Variants in HIRA observed in about 807,000 individuals in gnomAD.
HIRA encodes the protein histone cell cycle regulator.
HIRA carries 13 observed loss-of-function variants against 126.6 expected under a neutral mutation model. The observed-to-expected ratio is 0.10, with a 90% CI of 0.07 to 0.16. The LOEUF (loss-of-function observed/expected upper bound fraction) is 0.16. Ranked by LOEUF, HIRA falls within the 10% of genes least tolerant of loss-of-function variation. The pLI, the probability that HIRA is intolerant of heterozygous loss-of-function variation, is 1.00. For synonymous variants in HIRA, 511 were observed against 520.0 expected (o/e 0.98, Z 0.24); for missense variants, 834 against 1,314.4 (o/e 0.63, Z 5.65).
At chr22:19,397,191 T>A (rs2089230993) in intron 6 of HIRA, among the ~76,000 whole-genome samples, 1 of 152,304 alleles carries the variant, frequency 6.6e-6, no homozygotes, top group Middle Eastern at 3.4e-3. Flanking sequence ...CTTATCTGTA[T>A]CTAGCGGCCC....
At chr22:19,368,727 T>C (rs912230307) in intron 15 of HIRA, among the ~76,000 whole-genome samples, 1 of 152,192 alleles carries the variant, frequency 6.6e-6, no homozygotes, top group African/African-American at 2.4e-5. Context: ...AACTATCGTT[T>C]TGTAAAATAC....
intron 24 of HIRA, among the ~76,000 whole-genome samples, chr22:19,335,691 C>CG (rs782164161): frequency 2.1e-3 from 141 of 66,588 alleles, no homozygotes; most frequent in Non-Finnish European, 5.8e-3. Flanking sequence ...TATTGAATAG[C>CG]CCCCCCTATT....
At chr22:19,362,234 G>GA (rs1259069848) in intron 15 of HIRA, among the ~76,000 whole-genome samples, 13 of 151,732 alleles carry the variant, frequency 8.6e-5, no homozygotes, top group Admixed American at 5.2e-4. Context: ...TGATGTTAGA[G>GA]AAAAAAAACA....
Position 19,408,966 on chromosome 22 carries a change from TGAG to T in HIRA, c.101-376_101-374del, listed in dbSNP as rs371756839. Reference sequence around the variant, plus strand: ...ACTCCTTGACTCCTCATCTGTGAAATGAGGAGAAGGGAAAGTCAATGTCATAAG... The same window carrying T: ...ACTCCTTGACTCCTCATCTGTGAAATGAGAAGGGAAAGTCAATGTCATAAG... On this transcript the variant is annotated intron_variant, in intron 2 of 24. Coordinates refer to ENST00000263208, the MANE Select transcript of HIRA (RefSeq NM_003325.4). 5.5e-3 allele frequency among the ~76,000 whole-genome samples: 843 copies of T among 152,278 alleles called. 9 individuals are homozygous for T. The highest frequency in any genetic ancestry group is 0.018 in the African/African-American group (760 of 41,550).
intron 18 of HIRA, among the ~76,000 whole-genome samples, chr22:19,358,856 C>G (rs537056528): frequency 6.6e-6 from 1 of 152,130 alleles, no homozygotes; most frequent in Non-Finnish European, 1.5e-5. Flanking sequence ...GGGGAAGATA[C>G]TGGGTGACTA....
chr22:19,356,929 T>C lies in HIRA; in HGVS notation c.2357A>G (p.Tyr786Cys). 1 of 1,613,804 alleles carries C rather than the reference T, an allele frequency of 6.2e-7. No homozygotes were observed. The highest frequency in any genetic ancestry group is 8.5e-7 in the Non-Finnish European group (1 of 1,179,976). The change falls in exon 19 of 25, where the codon TAC becomes TGC. Residue 786 changes from tyrosine (Y) to cysteine (C), a missense_variant. Around this residue, in one of 5 missense-constraint regions of HIRA, gnomAD observed 468 missense variants for 574.2 expected, o/e 0.82. Transcript: ENST00000263208. ...GGCTGCAGCGGTGAGCGCCATGACGTAGGAGCCTGTGCAATGCAAAGTAGA... is the reference window on the plus strand; with the variant it reads ...GGCTGCAGCGGTGAGCGCCATGACGCAGGAGCCTGTGCAATGCAAAGTAGA... The part of the protein sequence containing the change: ...PISTLHCTGS[Y>C]VMALTAAATL...
At chr22:19,333,122 G>T (rs748778152) in intron 24 of HIRA, among the ~76,000 whole-genome samples, 1 of 152,092 alleles carries the variant, frequency 6.6e-6, no homozygotes, top group Non-Finnish European at 1.5e-5. Flanking sequence ...TGGCCAGGCT[G>T]ATCTCAAACT....
chr22:19,371,055 C>G (rs761089761), intron 15 of HIRA, among the ~76,000 whole-genome samples: 18 of 152,188 alleles, frequency 1.2e-4, no homozygotes, highest in Non-Finnish European at 1.5e-5. Context: ...CACAGAAAGC[C>G]ACAAAGCAAA....
Position 19,331,031 on chromosome 22 carries a change from C to T in HIRA, c.*409G>A. On this transcript the variant is annotated 3_prime_UTR_variant, in exon 25 of 25. Coordinates refer to ENST00000263208, the MANE Select transcript of HIRA (RefSeq NM_003325.4). ...TTTACATAGGTCTTAGGTCAGTCTG[C>T]TGTAATACCTAACGCTTCCGGATTC... The T allele has an allele frequency of 4.2e-6, 3 of 711,034 alleles. No individual in the cohort carries two copies. The highest frequency in any genetic ancestry group is 5.9e-6 in the Non-Finnish European group (3 of 505,442). The allele number at this position is 711,034 out of a possible 1,614,324, so 44.0% of individuals were successfully genotyped here.
intron 3 of HIRA, 111 bp from the exon 4 acceptor site, chr22:19,407,385 T>G: frequency 1.2e-6 from 1 of 821,534 alleles, no homozygotes; most frequent in Non-Finnish European, 2.0e-6. Context: ...ATCTAATCTA[T>G]TTAAGGCATC....
intron 1 of HIRA, chr22:19,430,263 T>G (rs1256218293): frequency 1.3e-5 from 2 of 151,944 alleles, no homozygotes; most frequent in Non-Finnish European, 2.9e-5. Flanking sequence ...TCTACCGGGG[T>G]AACTCAGGAT....
chr22:19,367,083 TATC>T (rs1281811726), intron 15 of HIRA, among the ~76,000 whole-genome samples: 2 of 152,160 alleles, frequency 1.3e-5, no homozygotes, highest in South Asian at 2.1e-4. Flanking sequence ...TACATTGAAA[TATC>T]ATGCCATCGA....
At chr22:19,366,196 A>G (rs1302755100) in intron 15 of HIRA, among the ~76,000 whole-genome samples, 2 of 151,940 alleles carry the variant, frequency 1.3e-5, no homozygotes, top group African/African-American at 4.8e-5. Context: ...CCCCGTCTCT[A>G]CTAAAAATAC....
intron 23 of HIRA, among the ~76,000 whole-genome samples, chr22:19,352,900 G>A (rs1271081428): frequency 6.6e-6 from 1 of 152,248 alleles, no homozygotes; most frequent in Admixed American, 6.5e-5. Flanking sequence ...AGCAGAGTGA[G>A]AGCTCTGGCG....
At position 19,398,020 on chromosome 22, in the gene HIRA, G is replaced by A. The variant is rs920870098; in HGVS notation, c.465C>T (p.Val155=). 21 of 1,613,814 alleles carry A rather than the reference G, an allele frequency of 1.3e-5. No homozygotes were observed. In the East Asian group the frequency reaches 2.0e-4, roughly 15 times the overall value. Residue 155 remains valine (V), a synonymous_variant, in exon 6 of 25, where the codon GTC becomes GTT. Coordinates refer to ENST00000263208, the MANE Select transcript of HIRA (RefSeq NM_003325.4). Reference sequence around the variant, plus strand: ...GGAACTTTACAGCATTCCAGATGACGACAGTGTTATCCACGCTGCATGAGG... The same window carrying A: ...GGAACTTTACAGCATTCCAGATGACAACAGTGTTATCCACGCTGCATGAGG... The part of the protein sequence containing the change: ...WLASCSVDNT[V]VIWNAVKFPE...
At chr22:19,340,595 T>C (rs1426169040) in intron 24 of HIRA, among the ~76,000 whole-genome samples, 4 of 152,136 alleles carry the variant, frequency 2.6e-5, no homozygotes, top group African/African-American at 9.7e-5. Context: ...TTGCCAATGA[T>C]ATGATCGTAT....
intron 24 of HIRA, among the ~76,000 whole-genome samples, chr22:19,349,311 C>T (rs782273014): frequency 1.6e-4 from 24 of 146,520 alleles, no homozygotes; most frequent in Non-Finnish European, 1.2e-4. Context: ...GCATGTTGGC[C>T]GGGCAGGTCT....
intron 23 of HIRA, 45 bp downstream of exon 23, chr22:19,353,311 G>C (rs781981945): frequency 6.2e-7 from 1 of 1,608,014 alleles, no homozygotes; most frequent in East Asian, 2.2e-5. Flanking sequence ...TGGGAGGATG[G>C]AGGGGCAGAA....
At position 19,394,344 on chromosome 22, in the gene HIRA, C is replaced by A. The variant is rs193920856; in HGVS notation, c.820G>T (p.Val274Leu). The A allele has an allele frequency of 6.2e-7, 1 of 1,614,154 alleles. No individual in the cohort carries two copies. Among genetic ancestry groups the A allele is most frequent in the Non-Finnish European group, 8.5e-7 (1 of 1,180,010 alleles). Residue 274 changes from valine (V) to leucine (L), a missense_variant and splice_region_variant, in exon 8 of 25, where the codon GTG (valine) becomes TTG (leucine). Val to Leu is a conservative substitution (Grantham distance 32). Around this residue, in one of 5 missense-constraint regions of HIRA, gnomAD observed 153 missense variants for 270.6 expected, o/e 0.57. Coordinates refer to ENST00000263208, the MANE Select transcript of HIRA (RefSeq NM_003325.4). ...CCTTTAGTTCCCTGGGCACTCACCACGACAGTCACAGCTTTCCGGTGCCCA... is the reference window on the plus strand; with the variant it reads ...CCTTTAGTTCCCTGGGCACTCACCAAGACAGTCACAGCTTTCCGGTGCCCA... ...FVGHRKAVTVVKFNPKIFKKK... is the reference protein window; with the variant it reads ...FVGHRKAVTVLKFNPKIFKKK...
Sources: allele counts gnomAD v4.1 joint callset (sites outside exome capture counted in the v4.1 genomes callset), GRCh38; gene constraint gnomAD v4.1.1; regional missense constraint gnomAD v4.1.1; transcripts MANE v1.5; gene names NCBI Gene and HGNC (gene_info 2026-07-23, HGNC 2026-07-21).